TENM1: variants seen among roughly 807,000 people sequenced by gnomAD.
The protein encoded by TENM1 is teneurin transmembrane protein 1, also known as teneurin-1.
A neutral mutation model predicts 174.8 loss-of-function variants in TENM1; 35 were observed. That is an observed-to-expected ratio of 0.20 (90% CI 0.15 to 0.27). The LOEUF is 0.27. Among genes scored for constraint, TENM1 ranks in the 10% least tolerant of loss-of-function variants. TENM1 has a pLI of 1.00. For synonymous variants in TENM1, 781 were observed against 798.7 expected, an observed-to-expected ratio of 0.98 and a Z score of 0.37; for missense variants, 1,633 against 2,130.1, an observed-to-expected ratio of 0.77 and a Z score of 4.59.
chrX:124,551,228 T>C (rs2048558569), intron 14 of TENM1, among the ~76,000 whole-genome samples: 1 of 111,748 alleles, frequency 8.9e-6, no homozygotes, highest in Non-Finnish European at 1.9e-5. Flanking sequence ...GGTATAGCCA[T>C]AGACTGGAGA....
intron 11 of TENM1, among the ~76,000 whole-genome samples, chrX:124,634,147 G>A (rs2050823064): frequency 9.0e-6 from 1 of 111,078 alleles, no homozygotes; most frequent in Admixed American, 9.6e-5. Context: ...TATGAATTAG[G>A]CATAAGCTTT....
At chrX:124,616,607 T>C (rs2050404005) in intron 11 of TENM1, among the ~76,000 whole-genome samples, 1 of 112,552 alleles carries the variant, frequency 8.9e-6, no homozygotes, top group South Asian at 3.6e-4. Flanking sequence ...CAAGTGTATG[T>C]GTGCTTGTTC....
At chrX:124,556,459 C>A (rs974349769) in intron 14 of TENM1, among the ~76,000 whole-genome samples, 1 of 110,775 alleles carries the variant, frequency 9.0e-6, no homozygotes, top group Non-Finnish European at 1.9e-5. Context: ...CTGCTTATTA[C>A]GAGAGTGTTT....
At chrX:125,144,736 T>C in the TENM1 span, among the ~76,000 whole-genome samples, 2 of 94,120 alleles carry the variant, frequency 2.1e-5, no homozygotes, top group Non-Finnish European at 4.2e-5. Context: ...TGGCAGGTGC[T>C]CATAATTTTT....
chrX:124,777,918 C>T (rs998763713), intron 3 of TENM1, among the ~76,000 whole-genome samples: 1 of 112,631 alleles, frequency 8.9e-6, no homozygotes, highest in African/African-American at 3.2e-5. Context: ...ACCAGTTTAG[C>T]ACCAAAGCAG....
chrX:124,811,466 T>A (rs946118649), intron 3 of TENM1, among the ~76,000 whole-genome samples: 1 of 111,327 alleles, frequency 9.0e-6, no homozygotes, highest in South Asian at 3.7e-4. Context: ...CAATGAGATA[T>A]CACCTCACTC....
At chrX:124,489,855 C>G (rs1233176892) in intron 20 of TENM1, among the ~76,000 whole-genome samples, 1 of 111,194 alleles carries the variant, frequency 9.0e-6, no homozygotes, top group Non-Finnish European at 1.9e-5. Flanking sequence ...AATGGTCTGC[C>G]CTTCCTGCTC....
the TENM1 span, among the ~76,000 whole-genome samples, chrX:124,977,959 TGTGTGTGTGAGA>T: frequency 9.0e-5 from 5 of 55,800 alleles, no homozygotes; most frequent in Non-Finnish European, 1.6e-4. Context: ...TGTGTGTGTG[TGTGTGTGTGAGA>T]GAGAGAGAGA....
intron 3 of TENM1, among the ~76,000 whole-genome samples, chrX:124,754,203 G>C (rs1484480684): frequency 2.7e-5 from 3 of 110,921 alleles, no homozygotes; most frequent in Non-Finnish European, 5.7e-5. Flanking sequence ...ACTTCTTCCT[G>C]GTTTAGTCTT....
At chrX:125,154,345 A>G in the TENM1 span, among the ~76,000 whole-genome samples, 1 of 112,177 alleles carries the variant, frequency 8.9e-6, no homozygotes, top group East Asian at 2.8e-4. Context: ...AACTAGTTAG[A>G]AAGTTTTCTG....
chrX:124,854,444 G>A (rs1412062425), intron 3 of TENM1, among the ~76,000 whole-genome samples: 1 of 110,963 alleles, frequency 9.0e-6, no homozygotes, highest in Non-Finnish European at 1.9e-5. Context: ...AGAAATCACC[G>A]CTGAAGAACT....
At chrX:125,100,597 T>C in the TENM1 span, among the ~76,000 whole-genome samples, 2 of 112,155 alleles carry the variant, frequency 1.8e-5, no homozygotes, top group African/African-American at 6.5e-5. Context: ...ACCAAAAATA[T>C]ATAATACTTA....
At chrX:124,756,669 G>A (rs1430145127) in intron 3 of TENM1, among the ~76,000 whole-genome samples, 1 of 110,642 alleles carries the variant, frequency 9.0e-6, no homozygotes, top group Non-Finnish European at 1.9e-5. Context: ...TGGGTTTTTG[G>A]TGTGGATGTC....
intron 6 of TENM1, among the ~76,000 whole-genome samples, chrX:124,660,360 G>C (rs757171361): frequency 4.5e-4 from 47 of 104,811 alleles, no homozygotes; most frequent in African/African-American, 1.6e-3. Context: ...GGGCGACTGA[G>C]CTAGACTCCA....
At chrX:124,701,292 C>G (rs1035659852) in intron 5 of TENM1, among the ~76,000 whole-genome samples, 1 of 111,288 alleles carries the variant, frequency 9.0e-6, no homozygotes, top group Non-Finnish European at 1.9e-5. Context: ...AATGTAACAG[C>G]GCACTTGACC....
At chrX:124,837,789 G>A (rs1339847847) in intron 3 of TENM1, among the ~76,000 whole-genome samples, 1 of 110,778 alleles carries the variant, frequency 9.0e-6, no homozygotes, top group Non-Finnish European at 1.9e-5. Context: ...TTAATTCTAG[G>A]TTAGACAGAA....
At chrX:125,081,365 C>T in the TENM1 span, among the ~76,000 whole-genome samples, 9 of 111,066 alleles carry the variant, frequency 8.1e-5, no homozygotes, top group Non-Finnish European at 1.5e-4. Flanking sequence ...ACAGCTGTTT[C>T]TCTTAATTTC....
At chrX:124,376,129 A>G (rs2060101526) in exon 32 of TENM1, 1 of 111,970 alleles carries the variant, frequency 8.9e-6, no homozygotes, top group Admixed American at 9.5e-5. Context: ...TCAGCACAGG[A>G]GAGCAGGAAT....
intron 5 of TENM1, among the ~76,000 whole-genome samples, chrX:124,687,443 A>C (rs143749742): frequency 0.022 from 2,499 of 112,216 alleles, 73 homozygotes; most frequent in African/African-American, 0.076. Flanking sequence ...GATGGATTGA[A>C]GACTTAAAAG....
Sources: allele counts gnomAD v4.1 joint callset (sites outside exome capture counted in the v4.1 genomes callset), GRCh38; gene constraint gnomAD v4.1.1; transcripts MANE v1.5; gene names NCBI Gene and HGNC (gene_info 2026-07-23, HGNC 2026-07-21).